PCDH15: variants seen among roughly 807,000 people sequenced by gnomAD.
PCDH15 encodes protocadherin-15.
PCDH15 carries 129 observed loss-of-function variants against 178.5 expected under a neutral mutation model. That is an observed-to-expected ratio of 0.72 (90% CI 0.63 to 0.84). The LOEUF is 0.84. PCDH15 is among the 40% of genes least tolerant of loss of function. The probability of loss-of-function intolerance (pLI) is 0.00; values close to 1 mark genes in which losing one functional copy is unlikely to be tolerated. For missense variants in PCDH15, 2,230 were observed against 2,099.9 expected (o/e 1.06, Z -1.21); for synonymous variants, 800 against 732.0 (o/e 1.09, Z -1.50).
At chr10:55,456,835 G>A (rs1225956377) in intron 2 of PCDH15, among the ~76,000 whole-genome samples, 1 of 151,920 alleles carries the variant, frequency 6.6e-6, no homozygotes, top group African/African-American at 2.4e-5. Context: ...CTGGTTCTGT[G>A]AACACTTCAT....
intron 1 of PCDH15, among the ~76,000 whole-genome samples, chr10:55,285,077 G>A (rs1338631679): frequency 6.6e-6 from 1 of 150,432 alleles, no homozygotes; most frequent in Non-Finnish European, 1.5e-5. Context: ...AAGATATTGA[G>A]CTTTCCATCT....
intron 2 of PCDH15, among the ~76,000 whole-genome samples, chr10:55,446,568 T>C (rs989146623): frequency 6.6e-6 from 1 of 152,058 alleles, no homozygotes; most frequent in Admixed American, 6.6e-5. Flanking sequence ...TAGCATGTGG[T>C]GGATTGCATT....
chr10:54,869,517 T>C (rs10732421), intron 3 of PCDH15, among the ~76,000 whole-genome samples: 106,870 of 152,006 alleles, frequency 0.7, 38,458 homozygotes, highest in East Asian at 0.89. Context: ...GGGTTAACAC[T>C]CTGAAATTTA....
Position 55,318,793 on chromosome 10 carries a change from A to C in PCDH15, c.-156+806T>G, listed in dbSNP as rs115680188. 5.2e-3 allele frequency among the ~76,000 whole-genome samples: 789 copies of C among 152,338 alleles called. 11 individuals carry two copies. The highest frequency in any genetic ancestry group is 0.018 in the African/African-American group (743 of 41,574). On this transcript the variant is annotated intron_variant, in intron 1 of 5. Transcript: ENST00000458638. ...CAAGATAAATAAAAACAAATCTGTA[A>C]TTAGACACATGTTGGTGAAACTAGA... is the stretch of plus-strand genomic sequence containing the variant.
At chr10:55,541,010 T>C (rs1205189797) in intron 2 of PCDH15, among the ~76,000 whole-genome samples, 10 of 152,078 alleles carry the variant, frequency 6.6e-5, no homozygotes, top group Admixed American at 6.6e-4. Flanking sequence ...ATTTACCCTA[T>C]ATATTTATTT....
chr10:54,533,572 G>T (rs1342512253), intron 2 of PCDH15, among the ~76,000 whole-genome samples: 1 of 152,022 alleles, frequency 6.6e-6, no homozygotes, highest in East Asian at 1.9e-4. Context: ...TTACCAAACT[G>T]TATCTTAAAG....
chr10:55,456,827 G>A (rs1359115514), intron 2 of PCDH15, among the ~76,000 whole-genome samples: 1 of 151,864 alleles, frequency 6.6e-6, no homozygotes, highest in Non-Finnish European at 1.5e-5. Flanking sequence ...TGTTGAGTCT[G>A]GTTCTGTGAA....
intron 3 of PCDH15, among the ~76,000 whole-genome samples, chr10:54,456,588 T>C (rs2136380050): frequency 6.6e-6 from 1 of 152,290 alleles, no homozygotes; most frequent in South Asian, 2.1e-4. Context: ...AACTTTCGAG[T>C]ACATGCTGGA....
chr10:54,171,988 A>T (rs1488330992), intron 13 of PCDH15, among the ~76,000 whole-genome samples: 4 of 150,682 alleles, frequency 2.7e-5, no homozygotes, highest in African/African-American at 7.4e-5. Context: ...ACCCCCCAAA[A>T]ATTTTCGCCG....
chr10:54,613,271 CTT>C (rs1257686648), intron 2 of PCDH15, among the ~76,000 whole-genome samples: 1 of 151,628 alleles, frequency 6.6e-6, no homozygotes, highest in African/African-American at 2.4e-5. Flanking sequence ...GAGAAAGAAA[CTT>C]TATCACTCTC....
chr10:55,269,535 C>T (rs1842385422), intron 1 of PCDH15, among the ~76,000 whole-genome samples: 1 of 151,718 alleles, frequency 6.6e-6, no homozygotes, highest in African/African-American at 2.4e-5. Flanking sequence ...TTTACAATAG[C>T]TAAAAATAAA....
chr10:54,508,179 T>C (rs78522518), intron 3 of PCDH15, among the ~76,000 whole-genome samples: 10,092 of 152,118 alleles, frequency 0.066, 348 homozygotes, highest in East Asian at 0.099. Context: ...TTTATTTTCT[T>C]ATCACCAAAC....
chr10:54,965,181 G>C (rs1838751655), intron 2 of PCDH15, among the ~76,000 whole-genome samples: 1 of 152,106 alleles, frequency 6.6e-6, no homozygotes, highest in Non-Finnish European at 1.5e-5. Flanking sequence ...AAGTAAGGTA[G>C]AAGGTAAGGT....
At chr10:54,108,696 C>T (rs779861317) in intron 15 of PCDH15, among the ~76,000 whole-genome samples, 2 of 152,122 alleles carry the variant, frequency 1.3e-5, no homozygotes, top group East Asian at 3.9e-4. Context: ...CTCCCTCAAC[C>T]CCAGGCAGCA....
intron 1 of PCDH15, among the ~76,000 whole-genome samples, chr10:55,276,956 T>A (rs1451278750): frequency 6.6e-6 from 1 of 152,044 alleles, no homozygotes; most frequent in East Asian, 1.9e-4. Context: ...GAATTCTCAG[T>A]ATGATCGTTG....
intron 2 of PCDH15, among the ~76,000 whole-genome samples, chr10:55,559,004 G>A: frequency 6.6e-6 from 1 of 152,014 alleles, no homozygotes; most frequent in East Asian, 1.9e-4. Context: ...CAGTTCTCTA[G>A]AAGTCTCCCT....
intron 1 of PCDH15, among the ~76,000 whole-genome samples, chr10:55,210,420 A>G (rs1480745057): frequency 6.6e-6 from 1 of 151,846 alleles, no homozygotes; most frequent in African/African-American, 2.4e-5. Context: ...AGGAAAGTAT[A>G]AGAGACCACA....
chr10:54,343,514 C>T (rs1421513583), intron 6 of PCDH15, among the ~76,000 whole-genome samples: 1 of 152,126 alleles, frequency 6.6e-6, no homozygotes, highest in Admixed American at 6.6e-5. Context: ...ATGCACACTA[C>T]TGTAACACTT....
At chr10:53,949,564 C>T (rs2086845299) in intron 23 of PCDH15, among the ~76,000 whole-genome samples, 1 of 151,832 alleles carries the variant, frequency 6.6e-6, no homozygotes, top group Non-Finnish European at 1.5e-5. Context: ...AAGACACTGT[C>T]ACTACAAAAT....
Sources: allele counts gnomAD v4.1 joint callset (sites outside exome capture counted in the v4.1 genomes callset), GRCh38; gene constraint gnomAD v4.1.1; transcripts MANE v1.5; gene names NCBI Gene and HGNC (gene_info 2026-07-23, HGNC 2026-07-21).